The following LSS variants were observed in gnomAD, a reference collection of about 807,000 sequenced individuals.
LSS encodes the protein lanosterol synthase.
A neutral mutation model predicts 110.3 loss-of-function variants in LSS; 90 were observed. The observed-to-expected ratio is 0.82, with a 90% CI of 0.69 to 0.97. LSS has a LOEUF of 0.97. Among genes scored for constraint, LSS ranks in the 50% least tolerant of loss-of-function variants. LSS has a pLI of 0.00. For synonymous variants in LSS, 433 were observed against 400.0 expected (o/e 1.08, Z -0.98); for missense variants, 927 against 990.0 (o/e 0.94, Z 0.85).
intron 20 of LSS, among the ~76,000 whole-genome samples, chr21:46,194,166 G>A (rs1389078617): frequency 2.0e-5 from 3 of 152,184 alleles, no homozygotes; most frequent in African/African-American, 7.2e-5. Context: ...ACCACACCAG[G>A]AAGCAGCATC....
rs566250131 is a variant in LSS, at chr21:46,205,846, C to A, written c.1660G>T (p.Ala554Ser). 3 of 1,605,228 alleles carry A rather than the reference C, an allele frequency of 1.9e-6. No individual in the cohort carries two copies. The highest frequency in any genetic ancestry group is 1.7e-5 in the Admixed American group (1 of 58,764). The change falls in exon 17 of 22, where the codon GCG becomes TCG. Residue 554 changes from alanine to serine, a missense_variant. Coordinates refer to ENST00000397728, the MANE Select transcript of LSS (RefSeq NM_002340.6). ...FHKRFPEHRA[A>S]EIRETLTQGL... ...TGAGACCCTCCTTACCGGATCTCCGCTGCCCTGTGCTCCGGGAAACGCTTG... is the reference window on the plus strand; with the variant it reads ...TGAGACCCTCCTTACCGGATCTCCGATGCCCTGTGCTCCGGGAAACGCTTG...
rs965646180 is a variant in LSS at position 46,189,827 on chromosome 21, C to A, written c.*1277G>T. 1 of 426,002 alleles carries A rather than the reference C, an allele frequency of 2.3e-6. No homozygotes were observed. The highest frequency in any genetic ancestry group is 4.7e-6 in the Non-Finnish European group (1 of 211,392). The allele number at this position is 426,002 out of a possible 1,614,324, so 26.4% of individuals were successfully genotyped here. On this transcript the variant is annotated 3_prime_UTR_variant, in exon 22 of 22. Transcript: ENST00000397728. Reference sequence around the variant, plus strand: ...TAACGAAGCTCTCAGTGACTCCTCCCAGTAGCCAGGGGAGAGCAGTGACAG... The same window carrying A: ...TAACGAAGCTCTCAGTGACTCCTCCAAGTAGCCAGGGGAGAGCAGTGACAG...
chr21:46,207,323 T>A, intron 15 of LSS, 105 bp downstream of exon 15: 1 of 1,402,694 alleles, frequency 7.1e-7, no homozygotes, highest in South Asian at 1.3e-5. Flanking sequence ...TCCTACGGCC[T>A]GGCCGGACTG....
chr21:46,228,083 G>A lies in LSS; in HGVS notation c.180+351C>T, dbSNP rs80273381. ...CTCGGCAGGAGACCCTGTTTACACT[G>A]CAGACTCTGACGACCAAAATCTCTT... On this transcript the variant is annotated intron_variant, in intron 2 of 21. Coordinates refer to ENST00000397728, the MANE Select transcript of LSS (RefSeq NM_002340.6). 9.7e-3 allele frequency among the ~76,000 whole-genome samples: 1,480 copies of A among 152,312 alleles called. 30 individuals are homozygous for A. Among genetic ancestry groups the A allele is most frequent in the African/African-American group, 0.034 (1,428 of 41,566 alleles).
chr21:46,221,338 A>G (rs1264894399), intron 5 of LSS, among the ~76,000 whole-genome samples: 1 of 135,862 alleles, frequency 7.4e-6, no homozygotes, highest in Non-Finnish European at 1.6e-5. Context: ...AAACAGAATT[A>G]CCTGGTTGTC....
intron 20 of LSS, chr21:46,192,352 C>T (rs1250791583): frequency 1.2e-5 from 5 of 403,480 alleles, no homozygotes. Flanking sequence ...GCTCAGCGGG[C>T]CCAGCTCAAC....
rs2080244660 is a variant in LSS at position 46,219,279 on chromosome 21, A to T, written c.647+197T>A. 2.6e-5 allele frequency among the ~76,000 whole-genome samples: 4 copies of T among 152,164 alleles called. No individual in the cohort carries two copies. The South Asian group carries it at 8.3e-4, about 32-fold the overall frequency. ...CCATGGCACAGCCTTCTTCCTGCTC[A>T]ATTGGGAACCTCCCCCTTTCTGTAC... On this transcript the variant is annotated intron_variant, in intron 6 of 21. Coordinates refer to ENST00000397728, the MANE Select transcript of LSS (RefSeq NM_002340.6).
chr21:46,223,468 A>G (rs73144762), intron 3 of LSS, among the ~76,000 whole-genome samples: 21,811 of 152,222 alleles, frequency 0.14, 1,644 homozygotes, highest in Non-Finnish European at 0.17. Context: ...TTAGAGCATC[A>G]GAAGCCCTAG....
chr21:46,227,157 A>T (rs2080350496), intron 3 of LSS, among the ~76,000 whole-genome samples: 1 of 152,198 alleles, frequency 6.6e-6, no homozygotes, highest in African/African-American at 2.4e-5. Context: ...CTCCTGCAAT[A>T]GCCCCGAGGA....
At chr21:46,214,209 C>G (rs141655883) in intron 9 of LSS, among the ~76,000 whole-genome samples, 2 of 152,194 alleles carry the variant, frequency 1.3e-5, no homozygotes, top group Non-Finnish European at 2.9e-5. Context: ...GGAAGAGATG[C>G]GAAGACAGGA....
chr21:46,197,418 A>G (rs1270198923), intron 17 of LSS, among the ~76,000 whole-genome samples: 3 of 152,256 alleles, frequency 2.0e-5, no homozygotes, highest in Non-Finnish European at 4.4e-5. Context: ...TAGGAATTTT[A>G]TAAATGAATG....
At chr21:46,200,915 C>G (rs2079969722) in intron 17 of LSS, among the ~76,000 whole-genome samples, 1 of 152,228 alleles carries the variant, frequency 6.6e-6, no homozygotes, top group Non-Finnish European at 1.5e-5. Context: ...AAGAAATACT[C>G]AGGCAGTTAG....
At position 46,195,668 on chromosome 21, in the gene LSS, T is replaced by G. The variant is rs1451174901; in HGVS notation, c.1817+8A>C. On this transcript the variant is annotated splice_region_variant and intron_variant, in intron 19 of 21. Transcript: ENST00000397728. ...CCCCCACCCACCAGAGGACAGGCACTCACTCACCCATCTCGGTAGGTCTGC... is the reference window on the plus strand; with the variant it reads ...CCCCCACCCACCAGAGGACAGGCACGCACTCACCCATCTCGGTAGGTCTGC... 12 of 1,613,090 alleles carry G rather than the reference T, an allele frequency of 7.4e-6. No individual in the cohort carries two copies. The highest frequency in any genetic ancestry group is 5.0e-5 in the Admixed American group (3 of 60,002).
rs1033284478 is a variant in LSS at position 46,222,690 on chromosome 21, T to A, written c.368A>T (p.Tyr123Phe). Residue 123 changes from tyrosine (Y) to phenylalanine (F), a missense_variant, in exon 4 of 22, where the codon TAC (tyrosine) becomes TTC (phenylalanine). Coordinates refer to ENST00000397728, the MANE Select transcript of LSS (RefSeq NM_002340.6). ...HVARIPLPAG[Y>F]REEIVRYLRS... is the part of the protein sequence containing the mutation. ...CAGGTACCGCACAATCTCTTCTCTG[T>A]ATCCGGCTGGCAGAGGGATGCGTGC... is the stretch of plus-strand genomic sequence containing the variant. 17 of 1,613,970 alleles carry A rather than the reference T, an allele frequency of 1.1e-5. No individual in the cohort carries two copies. Among genetic ancestry groups the A allele is most frequent in the Non-Finnish European group, 1.4e-5 (17 of 1,180,030 alleles).
chr21:46,205,229 G>A (rs949696679), intron 17 of LSS, among the ~76,000 whole-genome samples: 1 of 152,222 alleles, frequency 6.6e-6, no homozygotes, highest in African/African-American at 2.4e-5. Flanking sequence ...CGGCATCTGT[G>A]TTCAACCGAA....
chr21:46,208,596 G>T (rs532456847), intron 13 of LSS, among the ~76,000 whole-genome samples: 92 of 152,324 alleles, frequency 6.0e-4, no homozygotes, highest in African/African-American at 2.1e-3. Context: ...CGGCCAGAAG[G>T]CAGGGAGGGG....
chr21:46,219,330 G>A, intron 6 of LSS, 146 bp downstream of exon 6: 1 of 527,902 alleles, frequency 1.9e-6, no homozygotes, highest in South Asian at 2.9e-5. Flanking sequence ...GCTTGATCAG[G>A]GCCTCTGCCA....
In LSS at chr21:46,205,916, A is replaced by G; in HGVS notation, c.1590T>C (p.Tyr530=). 1 of 1,610,116 alleles carries G rather than the reference A, an allele frequency of 6.2e-7. No homozygotes were observed. Among genetic ancestry groups the G allele is most frequent in the Non-Finnish European group, 8.5e-7 (1 of 1,178,178 alleles). ...GCATCACGGCTGAGGTGCACTCCAC[A>G]TAGGTGTAGTCAATCATGATGTCCC... is the stretch of plus-strand genomic sequence containing the variant. ...VFGDIMIDYT[Y]VECTSAVMQA... Residue 530 remains tyrosine, a synonymous_variant, in exon 17 of 22, where the codon TAT becomes TAC. Transcript: ENST00000397728.
intron 20 of LSS, among the ~76,000 whole-genome samples, chr21:46,194,053 C>T (rs1453768459): frequency 6.6e-6 from 1 of 152,126 alleles, no homozygotes; most frequent in African/African-American, 2.4e-5. Flanking sequence ...CTGATGCCTG[C>T]CTGCATGCGT....
Sources: gnomAD v4.1 joint callset for allele counts (sites outside exome capture counted in the v4.1 genomes callset) on GRCh38, gnomAD v4.1.1 for gene constraint, MANE v1.5 for transcripts, NCBI Gene and HGNC (gene_info 2026-07-23, HGNC 2026-07-21) for gene names.